Variants in ANAPC1 observed in about 807,000 individuals in gnomAD.
ANAPC1 encodes anaphase promoting complex subunit 1.
Under a neutral mutation model 208.0 loss-of-function variants are expected in ANAPC1, and 36 were observed. The observed-to-expected ratio is 0.17, with a 90% CI of 0.13 to 0.23. ANAPC1 has a LOEUF of 0.23. Ranked by LOEUF, ANAPC1 falls within the 10% of genes least tolerant of loss-of-function variation. The pLI is 1.00. For missense variants in ANAPC1, 942 were observed against 2,011.6 expected (o/e 0.47, Z 10.17); for synonymous variants, 378 against 695.2 (o/e 0.54, Z 7.18).
At chr2:111,778,382 T>C (rs1179602766) in intron 45 of ANAPC1, among the ~76,000 whole-genome samples, 1 of 149,834 alleles carries the variant, frequency 6.7e-6, no homozygotes, top group Non-Finnish European at 1.5e-5. Flanking sequence ...AAAAATAAGA[T>C]GGGAGAGAGG....
chr2:111,792,337 A>G (rs1180227286), intron 38 of ANAPC1, 25 bp downstream of exon 38: 2 of 1,429,624 alleles, frequency 1.4e-6, no homozygotes, highest in Admixed American at 1.8e-5. Flanking sequence ...AGATCTTTTC[A>G]TTGGAAAAAT....
At chr2:111,769,970 CT>C (rs1291234393) in intron 47 of ANAPC1, among the ~76,000 whole-genome samples, 1 of 151,874 alleles carries the variant, frequency 6.6e-6, no homozygotes, top group East Asian at 1.9e-4. Flanking sequence ...GCGTGAGCCA[CT>C]GCGCCCAGCC....
At position 111,780,800 on chromosome 2, in the gene ANAPC1, A is replaced by G. The variant is rs556261537; in HGVS notation, c.5203-415T>C. ...CATAAATGAGGTACTTAGTATAATC[A>G]AAATCACAGAGACATAAAATAGAAC... On this transcript the variant is annotated intron_variant, in intron 43 of 47. Transcript: ENST00000341068. The G allele has an allele frequency of 5.0e-4, 76 of 151,766 alleles. 1 individual carries two copies. Among genetic ancestry groups the G allele is most frequent in the Admixed American group, 2.4e-3 (37 of 15,418 alleles). 9.4% of individuals were successfully genotyped at this position (151,766 alleles called of 1,614,324 possible).
chr2:111,873,136 G>T (rs1250322543), intron 5 of ANAPC1, 172 bp downstream of exon 5: 5 of 690,454 alleles, frequency 7.2e-6, no homozygotes, highest in Non-Finnish European at 1.1e-5. Context: ...TTATTTTCTT[G>T]TGAAGTACAG....
chr2:111,865,650 A>G (rs1328724891), intron 7 of ANAPC1: 1 of 152,650 alleles, frequency 6.6e-6, no homozygotes, highest in Non-Finnish European at 1.5e-5. Flanking sequence ...ATATATACAC[A>G]CTTTATACAT....
At chr2:111,846,495 G>GATGTTCTT (rs1388990591) in intron 16 of ANAPC1, among the ~76,000 whole-genome samples, 1 of 136,396 alleles carries the variant, frequency 7.3e-6, no homozygotes, top group Non-Finnish European at 1.5e-5. Flanking sequence ...CAGTTTCCCA[G>GATGTTCTT]ATGTTCTTGC....
At position 111,877,619 on chromosome 2, in the gene ANAPC1, A is replaced by T. The variant is rs534210691; in HGVS notation, c.375+1191T>A. Among the ~76,000 whole-genome samples the T allele has an allele frequency of 4.6e-5, 7 of 152,130 alleles. 1 individual carries two copies. The highest frequency in any genetic ancestry group is 4.6e-4 in the Admixed American group (7 of 15,260). Reference sequence around the variant, plus strand: ...CACAGTGAAACCCCAGCTCTACTAAAAATATAAAAACAAAATTAGCCGGGT... The same window carrying T: ...CACAGTGAAACCCCAGCTCTACTAATAATATAAAAACAAAATTAGCCGGGT... On this transcript the variant is annotated intron_variant, in intron 3 of 47. Coordinates refer to ENST00000341068, the MANE Select transcript of ANAPC1 (RefSeq NM_022662.4).
intron 21 of ANAPC1, among the ~76,000 whole-genome samples, chr2:111,828,627 A>T (rs1679962715): frequency 6.6e-6 from 1 of 152,262 alleles, no homozygotes; most frequent in African/African-American, 2.4e-5. Context: ...AAAACAATGT[A>T]ATTTTGATAC....
chr2:111,782,331 A>G, intron 43 of ANAPC1, 38 bp downstream of exon 43: 1 of 1,612,868 alleles, frequency 6.2e-7, no homozygotes, highest in Non-Finnish European at 8.5e-7. Context: ...GGCAATTTAG[A>G]ATTATTTCTT....
intron 38 of ANAPC1, among the ~76,000 whole-genome samples, chr2:111,790,743 G>GT (rs990786404): frequency 1.3e-5 from 2 of 151,808 alleles, no homozygotes; most frequent in African/African-American, 4.8e-5. Flanking sequence ...CTGAGAGAGA[G>GT]TGAAAAGGCA....
chr2:111,826,738 G>A (rs1444958014), intron 21 of ANAPC1, among the ~76,000 whole-genome samples: 5 of 149,450 alleles, frequency 3.3e-5, no homozygotes. Context: ...TCGGCTCACT[G>A]CAACCTCCGC....
intron 24 of ANAPC1, among the ~76,000 whole-genome samples, chr2:111,824,333 A>G (rs35798130): frequency 0.17 from 26,240 of 150,912 alleles, 2,770 homozygotes; most frequent in Middle Eastern, 0.3. Context: ...TTAAAACTTT[A>G]CTTTTTAACA....
intron 16 of ANAPC1, among the ~76,000 whole-genome samples, chr2:111,846,784 A>G (rs77571850): frequency 6.6e-6 from 1 of 151,736 alleles, no homozygotes; most frequent in Admixed American, 6.6e-5. Flanking sequence ...TGGCCAGGCT[A>G]GTCTCAAACT....
chr2:111,863,111 C>T (rs979962323), intron 9 of ANAPC1, among the ~76,000 whole-genome samples: 1 of 151,976 alleles, frequency 6.6e-6, no homozygotes, highest in African/African-American at 2.4e-5. Flanking sequence ...AACTGTTGCC[C>T]ACATAGTGGT....
intron 1 of ANAPC1, among the ~76,000 whole-genome samples, chr2:111,882,945 A>T (rs530726246): frequency 4.6e-5 from 7 of 151,970 alleles, no homozygotes; most frequent in Non-Finnish European, 5.9e-5. Flanking sequence ...AGACGGGTGG[A>T]TCACGAGGTC....
rs769947466 is a variant in ANAPC1, at chr2:111,865,931, G to A, written c.686-980C>T. The A allele has an allele frequency of 1.8e-5, 4 of 219,596 alleles. 1 individual carries two copies. In the South Asian group the frequency reaches 2.1e-4, roughly 11 times the overall value. 13.6% of individuals were successfully genotyped at this position (219,596 alleles called of 1,614,324 possible). A position where few individuals can be genotyped will look rare whatever the true frequency, so the allele number is the denominator to read the frequency against. ...AAGAAATTTCATCATTCGAGGCTGGGCAGGTGGCTAACGCCTGTAATCCCA... is the reference window on the plus strand; with the variant it reads ...AAGAAATTTCATCATTCGAGGCTGGACAGGTGGCTAACGCCTGTAATCCCA... On this transcript the variant is annotated intron_variant, in intron 7 of 47. Coordinates refer to ENST00000341068, the MANE Select transcript of ANAPC1 (RefSeq NM_022662.4).
intron 11 of ANAPC1, among the ~76,000 whole-genome samples, chr2:111,857,391 A>C (rs1681792988): frequency 6.6e-6 from 1 of 152,230 alleles, no homozygotes; most frequent in African/African-American, 2.4e-5. Flanking sequence ...AAATGGGCAA[A>C]AGATCTGAAT....
chr2:111,771,854 A>G (rs927766637), intron 47 of ANAPC1, among the ~76,000 whole-genome samples: 1 of 151,760 alleles, frequency 6.6e-6, no homozygotes, highest in African/African-American at 2.4e-5. Context: ...CTTAATGGAT[A>G]AATTTTTTTT....
intron 17 of ANAPC1, among the ~76,000 whole-genome samples, chr2:111,838,809 A>G (rs905046055): frequency 2.0e-5 from 3 of 152,208 alleles, no homozygotes; most frequent in African/African-American, 7.2e-5. Flanking sequence ...AGATTACATC[A>G]CATCTTTGGT....
Sources: allele counts gnomAD v4.1 joint callset (sites outside exome capture counted in the v4.1 genomes callset), GRCh38; gene constraint gnomAD v4.1.1; transcripts MANE v1.5; gene names NCBI Gene and HGNC (gene_info 2026-07-23, HGNC 2026-07-21).